The following THSD7B variants were observed in gnomAD, a reference collection of about 807,000 sequenced individuals.
THSD7B encodes the protein thrombospondin type 1 domain containing 7B, also known as thrombospondin type-1 domain-containing protein 7B.
In THSD7B, 138 loss-of-function variants were observed where a neutral mutation model predicts 213.6. That is an observed-to-expected ratio of 0.65 (90% confidence interval 0.56 to 0.74). THSD7B has a LOEUF of 0.74. Among genes scored for constraint, THSD7B ranks in the 30% least tolerant of loss-of-function variants. THSD7B has a pLI of 0.00. For synonymous variants in THSD7B, 742 were observed against 687.0 expected, an observed-to-expected ratio of 1.08 and a Z score of -1.25; for missense variants, 1,931 against 1,991.5, an observed-to-expected ratio of 0.97 and a Z score of 0.58.
chr2:137,127,937 T>C (rs1309884746), intron 5 of THSD7B, among the ~76,000 whole-genome samples: 3 of 151,086 alleles, frequency 2.0e-5, no homozygotes, highest in African/African-American at 7.3e-5. Flanking sequence ...CGAAACAAAA[T>C]AAAAAAACCA....
chr2:137,170,706 G>T, intron 6 of THSD7B, 35 bp from the exon 7 acceptor site: 1 of 1,594,168 alleles, frequency 6.3e-7, no homozygotes. Context: ...GAAAAGAGTG[G>T]AATTCTCTGA....
rs527513287 is a variant in THSD7B at position 137,397,133 on chromosome 2, A to G, written c.2501-8480A>G. ...CTCTTTATCCAGTTTGCCAGTCTGT[A>G]TCTTTTAATTGGAGCATTTAGTCCA... is the stretch of plus-strand genomic sequence containing the variant. On this transcript the variant is annotated intron_variant, in intron 12 of 27. Transcript: ENST00000409968. Among the ~76,000 whole-genome samples, 80 of 151,566 alleles carry G rather than the reference A, an allele frequency of 5.3e-4. 1 individual carries two copies. The East Asian group carries it at 0.012, about 22-fold the overall frequency.
chr2:137,643,440 C>A (rs771977402), intron 21 of THSD7B, among the ~76,000 whole-genome samples: 1 of 152,084 alleles, frequency 6.6e-6, no homozygotes, highest in East Asian at 1.9e-4. Flanking sequence ...TATTATCTTG[C>A]AAAAGTTAAA....
intron 1 of THSD7B, among the ~76,000 whole-genome samples, chr2:136,801,904 A>G (rs1682188973): frequency 6.6e-6 from 1 of 152,152 alleles, no homozygotes; most frequent in South Asian, 2.1e-4. Flanking sequence ...TTTCATTCTG[A>G]TTGCATAATA....
At position 136,859,935 on chromosome 2, in the gene THSD7B, A is replaced by G. The variant is rs537681028; in HGVS notation, c.-35-22209A>G. On this transcript the variant is annotated intron_variant, in intron 1 of 27. Coordinates refer to ENST00000409968, the MANE Select transcript of THSD7B (RefSeq NM_001316349.2). ...ATGAGAGAACAGTAAGAGAAACCAA[A>G]TCATTCCAGAAACTGGTGTTGGAGG... 2.6e-5 allele frequency among the ~76,000 whole-genome samples: 4 copies of G among 152,048 alleles called. No homozygotes were observed. In the South Asian group the frequency reaches 8.3e-4, roughly 32 times the overall value.
chr2:137,222,825 TAG>T (rs1324928895), intron 7 of THSD7B, among the ~76,000 whole-genome samples: 1 of 152,068 alleles, frequency 6.6e-6, no homozygotes, highest in African/African-American at 2.4e-5. Context: ...GACTGGAGTG[TAG>T]AGTGTTAGCA....
intron 2 of THSD7B, among the ~76,000 whole-genome samples, chr2:137,003,918 C>T (rs934964352): frequency 3.9e-5 from 6 of 152,112 alleles, no homozygotes; most frequent in Admixed American, 1.3e-4. Context: ...TTTATTTTTT[C>T]TATACTATGT....
intron 15 of THSD7B, among the ~76,000 whole-genome samples, chr2:137,534,018 G>GCACACA (rs1158544636): frequency 7.0e-5 from 8 of 113,488 alleles, no homozygotes; most frequent in South Asian, 3.0e-4. Context: ...GTGTGTGCGC[G>GCACACA]CACACACACA....
At chr2:136,852,818 A>G (rs940504682) in intron 1 of THSD7B, among the ~76,000 whole-genome samples, 1 of 152,010 alleles carries the variant, frequency 6.6e-6, no homozygotes, top group Non-Finnish European at 1.5e-5. Context: ...TCAAGTTCTG[A>G]TTGTTTAGAA....
At chr2:137,457,560 T>G (rs988630396) in intron 15 of THSD7B, among the ~76,000 whole-genome samples, 2 of 152,196 alleles carry the variant, frequency 1.3e-5, no homozygotes, top group Non-Finnish European at 2.9e-5. Context: ...TAGATAGCAT[T>G]AGCTTCAACA....
At chr2:137,584,701 G>A (rs941841877) in intron 17 of THSD7B, among the ~76,000 whole-genome samples, 18 of 152,246 alleles carry the variant, frequency 1.2e-4, no homozygotes, top group African/African-American at 4.3e-4. Flanking sequence ...TGATCATGGT[G>A]GATAAGGTTT....
intron 27 of THSD7B, among the ~76,000 whole-genome samples, chr2:137,672,994 C>A (rs1456724927): frequency 6.6e-6 from 1 of 152,208 alleles, no homozygotes; most frequent in Non-Finnish European, 1.5e-5. Flanking sequence ...GTCCATTCTG[C>A]CTGGCCCAGC....
intron 3 of THSD7B, among the ~76,000 whole-genome samples, chr2:137,090,498 T>G (rs1183854768): frequency 6.6e-6 from 1 of 152,194 alleles, no homozygotes; most frequent in Non-Finnish European, 1.5e-5. Flanking sequence ...TCTGCCCATA[T>G]TTGTAAATAG....
chr2:137,635,107 G>C (rs1051548260), intron 20 of THSD7B, among the ~76,000 whole-genome samples: 4 of 152,156 alleles, frequency 2.6e-5, no homozygotes, highest in Non-Finnish European at 5.9e-5. Context: ...AAAAGGCTCA[G>C]AGAGGAGAAT....
At chr2:137,222,509 A>G (rs1021868324) in intron 7 of THSD7B, among the ~76,000 whole-genome samples, 1 of 152,190 alleles carries the variant, frequency 6.6e-6, no homozygotes, top group Non-Finnish European at 1.5e-5. Flanking sequence ...CATGAGAAAC[A>G]AGGTTTCCAT....
At chr2:137,204,217 A>G (rs1166695296) in intron 7 of THSD7B, among the ~76,000 whole-genome samples, 1 of 152,076 alleles carries the variant, frequency 6.6e-6, no homozygotes, top group Non-Finnish European at 1.5e-5. Context: ...CTTTTATTTA[A>G]AGGAAAATAA....
intron 2 of THSD7B, among the ~76,000 whole-genome samples, chr2:136,896,261 A>G (rs1683958185): frequency 6.6e-6 from 1 of 152,122 alleles, no homozygotes; most frequent in Admixed American, 6.5e-5. Flanking sequence ...TTTTGATTGT[A>G]GTTATTTTAG....
At chr2:137,537,122 A>G (rs1415860425) in intron 15 of THSD7B, among the ~76,000 whole-genome samples, 2 of 151,800 alleles carry the variant, frequency 1.3e-5, no homozygotes, top group East Asian at 1.9e-4. Context: ...TCATTGATCT[A>G]AATTCCAATG....
intron 12 of THSD7B, among the ~76,000 whole-genome samples, chr2:137,394,649 T>G: frequency 7.2e-6 from 1 of 138,602 alleles, no homozygotes; most frequent in East Asian, 2.0e-4. Flanking sequence ...ATGCGGGCTC[T>G]TTTTTGGTTC....
Sources: allele counts gnomAD v4.1 joint callset (sites outside exome capture counted in the v4.1 genomes callset), GRCh38; gene constraint gnomAD v4.1.1; transcripts MANE v1.5; gene names NCBI Gene and HGNC (gene_info 2026-07-23, HGNC 2026-07-21).